MAP3K3: variants seen among roughly 807,000 people sequenced by gnomAD.
The protein encoded by MAP3K3 is MAP/ERK kinase kinase 3.
A neutral mutation model predicts 80.9 loss-of-function variants in MAP3K3; 12 were observed. The observed-to-expected ratio is 0.15, with a 90% CI of 0.10 to 0.24. The LOEUF (loss-of-function observed/expected upper bound fraction) is 0.24, where lower values mean the gene tolerates loss of function less well. Among genes scored for constraint, MAP3K3 ranks in the 10% least tolerant of loss-of-function variants. The probability of loss-of-function intolerance (pLI) is 1.00; values close to 1 mark genes in which losing one functional copy is unlikely to be tolerated. For missense variants in MAP3K3, 596 were observed against 834.7 expected (o/e 0.71, Z 3.52); for synonymous variants, 272 against 307.1 (o/e 0.89, Z 1.19).
At chr17:63,634,603 T>C (rs1172207293) in intron 2 of MAP3K3, 4 of 926,836 alleles carry the variant, frequency 4.3e-6, no homozygotes, top group Non-Finnish European at 6.7e-6. Context: ...GAAGTAATCT[T>C]AACAAGAGGT....
In MAP3K3 at chr17:63,692,800, G is replaced by A. The variant is rs1327937458; in HGVS notation, c.1652+381G>A. ...AACCTTGTGTCTATCCTCTGAAATGGCCCCTAAGTCAGGAGAGCTTCTCCC... is the reference window on the plus strand; with the variant it reads ...AACCTTGTGTCTATCCTCTGAAATGACCCCTAAGTCAGGAGAGCTTCTCCC... On this transcript the variant is annotated intron_variant, in intron 15 of 15. Coordinates refer to ENST00000361733, the MANE Select transcript of MAP3K3 (RefSeq NM_002401.5). This position sits in a 1 kb window ranked among gnomAD's most constrained non-coding sequence, Gnocchi z 4.5. 1.3e-5 allele frequency among the ~76,000 whole-genome samples: 2 copies of A among 152,194 alleles called. No individual in the cohort carries two copies. Among genetic ancestry groups the A allele is most frequent in the African/African-American group, 2.4e-5 (1 of 41,444 alleles).
chr17:63,688,866 A>G lies in MAP3K3; in HGVS notation c.856A>G (p.Lys286Glu), dbSNP rs756997078. 2 of 1,613,706 alleles carry G rather than the reference A, an allele frequency of 1.2e-6. No homozygotes were observed. Among genetic ancestry groups the G allele is most frequent in the South Asian group, 1.1e-5 (1 of 91,076 alleles). ...PRRYHVSVHH[K>E]DYSDGRRTFP... Reference sequence around the variant, plus strand: ...GCGCTACCACGTGTCTGTGCACCACAAGGACTACAGTGATGGTGAGTTCTT... The same window carrying G: ...GCGCTACCACGTGTCTGTGCACCACGAGGACTACAGTGATGGTGAGTTCTT... The change falls in exon 10 of 16, where the codon AAG (lysine) becomes GAG (glutamate). Residue 286 changes from lysine (K) to glutamate (E), a missense_variant. Lys to Glu is a moderately conservative substitution (Grantham distance 56). Coordinates refer to ENST00000361733, the MANE Select transcript of MAP3K3 (RefSeq NM_002401.5).
intron 1 of MAP3K3, among the ~76,000 whole-genome samples, chr17:63,625,923 C>G (rs1033568963): frequency 5.9e-5 from 9 of 151,974 alleles, no homozygotes; most frequent in Non-Finnish European, 1.2e-4. Flanking sequence ...AACACACAAA[C>G]TTAGCTGGGC....
intron 2 of MAP3K3, chr17:63,634,667 G>A (rs973258643): frequency 2.7e-6 from 4 of 1,508,310 alleles, no homozygotes; most frequent in Non-Finnish European, 3.7e-6. Flanking sequence ...TATGTTGCAC[G>A]AAGGATACAA....
chr17:63,632,554 G>T, intron 1 of MAP3K3, 127 bp from the exon 2 acceptor site: 2 of 1,043,000 alleles, frequency 1.9e-6, no homozygotes, highest in South Asian at 3.0e-5. Context: ...GGCTGCATCT[G>T]ATTATAGTTA....
At chr17:63,685,669 T>G (rs2035433235) in intron 8 of MAP3K3, 79 bp downstream of exon 8, 32 of 1,199,074 alleles carry the variant, frequency 2.7e-5, no homozygotes, top group Middle Eastern at 1.9e-4. Context: ...GAGTTAGCTC[T>G]GGAGGCCCAG....
intron 5 of MAP3K3, among the ~76,000 whole-genome samples, chr17:63,663,215 A>G (rs2034931881): frequency 2.6e-5 from 4 of 151,974 alleles, no homozygotes; most frequent in Admixed American, 1.3e-4. Context: ...AAAGTTTACA[A>G]TGCTTGGCCA....
chr17:63,654,763 G>A (rs1182963458), intron 4 of MAP3K3, among the ~76,000 whole-genome samples: 1 of 152,220 alleles, frequency 6.6e-6, no homozygotes, highest in Admixed American at 6.5e-5. Flanking sequence ...GTGGCTAGGT[G>A]CAGTGACTCA....
chr17:63,671,259 T>C (rs1259086329), intron 6 of MAP3K3, among the ~76,000 whole-genome samples: 4 of 129,138 alleles, frequency 3.1e-5, no homozygotes, highest in Non-Finnish European at 6.4e-5. Context: ...AAAATTATTT[T>C]CTTTTTTTTT....
chr17:63,661,691 A>C (rs2034893964), intron 5 of MAP3K3, among the ~76,000 whole-genome samples: 1 of 152,266 alleles, frequency 6.6e-6, no homozygotes, highest in African/African-American at 2.4e-5. Context: ...ATTGTAAGTT[A>C]AAAATATCAA....
intron 6 of MAP3K3, among the ~76,000 whole-genome samples, chr17:63,680,673 C>T (rs1040030900): frequency 1.3e-5 from 2 of 152,108 alleles, no homozygotes; most frequent in African/African-American, 4.8e-5. Flanking sequence ...AGACTGCACA[C>T]CTCTGTCATT....
rs1363339671 is a variant in MAP3K3 at position 63,691,718 on chromosome 17, T to A, written c.1345-15T>A. 6.2e-7 allele frequency: 1 copy of A among 1,611,234 alleles called. No homozygotes were observed. Among genetic ancestry groups the A allele is most frequent in the Non-Finnish European group, 8.5e-7 (1 of 1,177,932 alleles). On this transcript the variant is annotated splice_polypyrimidine_tract_variant and intron_variant, in intron 13 of 15. Transcript: ENST00000361733. This position sits in a 1 kb window ranked among gnomAD's most constrained non-coding sequence, Gnocchi z 4.8. ...CTCCCCTGAGGGGACTCCTCTGACT[T>A]CTTGTGGCCTCCAGGGCTCGGTGAA...
intron 1 of MAP3K3, among the ~76,000 whole-genome samples, chr17:63,623,161 TTG>T (rs1470811775): frequency 6.6e-6 from 1 of 151,830 alleles, no homozygotes; most frequent in Non-Finnish European, 1.5e-5. Flanking sequence ...CCAGCTGCTG[TTG>T]TGTCTTTTCC....
rs1273730100 is a variant in MAP3K3 at position 63,657,816 on chromosome 17, A to G, written c.290A>G (p.Gln97Arg). The G allele has an allele frequency of 6.3e-7, 1 of 1,599,334 alleles. No homozygotes were observed. The highest frequency in any genetic ancestry group is 8.5e-7 in the Non-Finnish European group (1 of 1,169,664). ...CAGCTCTCCATCCTGCTGAAAAACC[A>G]AGATGATCTTGATAAAGCAATTGAC... ...NNELSILLKNQDDLDKAIDIL... is the reference protein window; with the variant it reads ...NNELSILLKNRDDLDKAIDIL... Residue 97 changes from glutamine (Q) to arginine (R), a missense_variant, in exon 5 of 16, where the codon CAA becomes CGA. By Grantham distance (43) the Gln-to-Arg change is conservative. Around this residue, in one of 2 missense-constraint regions of MAP3K3, gnomAD observed 232 missense variants for 245.8 expected, o/e 0.94. Coordinates refer to ENST00000361733, the MANE Select transcript of MAP3K3 (RefSeq NM_002401.5).
intron 4 of MAP3K3, 69 bp downstream of exon 4, chr17:63,652,725 A>G: frequency 9.7e-7 from 1 of 1,035,366 alleles, no homozygotes; most frequent in Non-Finnish European, 1.5e-6. Context: ...TCTGTTTACC[A>G]GAGCCTTTAA....
intron 2 of MAP3K3, among the ~76,000 whole-genome samples, chr17:63,644,626 A>C (rs531612057): frequency 8.5e-5 from 13 of 152,362 alleles, no homozygotes; most frequent in African/African-American, 3.1e-4. Context: ...TGGGGTCTTT[A>C]ATAATTTTTA....
At chr17:63,660,195 A>G (rs1030768446) in intron 5 of MAP3K3, among the ~76,000 whole-genome samples, 2 of 151,540 alleles carry the variant, frequency 1.3e-5, no homozygotes, top group Non-Finnish European at 2.9e-5. Context: ...GTTACCACCT[A>G]TTCCTTTATT....
intron 6 of MAP3K3, among the ~76,000 whole-genome samples, chr17:63,678,550 T>TAATGCACCACCAC (rs1182927477): frequency 1.9e-4 from 29 of 152,276 alleles, no homozygotes; most frequent in African/African-American, 6.7e-4. Context: ...GGAGGCCAGA[T>TAATGCACCACCAC]TACTGAGGAC....
At chr17:63,670,825 C>T (rs1349724948) in intron 6 of MAP3K3, among the ~76,000 whole-genome samples, 3 of 151,784 alleles carry the variant, frequency 2.0e-5, no homozygotes, top group African/African-American at 7.3e-5. Context: ...AGCTGGAGAG[C>T]TGGGAGCAAG....
Sources: gnomAD v4.1 joint callset for allele counts (sites outside exome capture counted in the v4.1 genomes callset) on GRCh38, gnomAD v4.1.1 for gene constraint, gnomAD v4.1.1 regional missense constraint, Gnocchi (gnomAD v3.1) non-coding constraint, MANE v1.5 for transcripts, NCBI Gene and HGNC (gene_info 2026-07-23, HGNC 2026-07-21) for gene names.